The following RNF150 variants were observed in gnomAD, a reference collection of about 807,000 sequenced individuals.
RNF150 encodes the protein ring finger protein 150.
Under a neutral mutation model 39.3 loss-of-function variants are expected in RNF150, and 24 were observed. That is an observed-to-expected ratio of 0.61 (90% CI 0.44 to 0.86). The LOEUF is 0.86. Ranked by LOEUF, RNF150 falls within the 40% of genes least tolerant of loss-of-function variation. RNF150 has a pLI of 0.00. For missense variants in RNF150, 502 were observed against 587.8 expected, an observed-to-expected ratio of 0.85 and a Z score of 1.51; for synonymous variants, 255 against 227.3, an observed-to-expected ratio of 1.12 and a Z score of -1.10.
At chr4:140,989,332 T>C (rs555053865) in intron 1 of RNF150, among the ~76,000 whole-genome samples, 5 of 152,120 alleles carry the variant, frequency 3.3e-5, no homozygotes, top group African/African-American at 9.6e-5. Flanking sequence ...AAAGTACCGA[T>C]GTTAAGCCGA....
At chr4:141,157,270 G>T (rs1280064189) in intron 1 of RNF150, among the ~76,000 whole-genome samples, 2 of 152,140 alleles carry the variant, frequency 1.3e-5, no homozygotes, top group African/African-American at 4.8e-5. Context: ...TTTAAATAGT[G>T]AGAAAAATAT....
intron 1 of RNF150, among the ~76,000 whole-genome samples, chr4:141,066,308 T>A (rs72949030): frequency 6.8e-4 from 103 of 152,142 alleles, no homozygotes; most frequent in African/African-American, 2.1e-3. Context: ...GAGAAGCATA[T>A]ATCTCCATCA....
intron 1 of RNF150, among the ~76,000 whole-genome samples, chr4:141,013,872 A>G (rs1735164732): frequency 6.6e-6 from 1 of 152,172 alleles, no homozygotes; most frequent in African/African-American, 2.4e-5. Flanking sequence ...TTTAAAATAT[A>G]TAAGACATTA....
intron 6 of RNF150, among the ~76,000 whole-genome samples, chr4:140,884,900 G>C (rs1291259445): frequency 6.6e-6 from 1 of 152,172 alleles, no homozygotes; most frequent in Non-Finnish European, 1.5e-5. Flanking sequence ...GAGGGGCTCT[G>C]GTGAATGAGT....
intron 1 of RNF150, among the ~76,000 whole-genome samples, chr4:141,177,004 C>T (rs936219100): frequency 1.4e-5 from 2 of 146,906 alleles, no homozygotes; most frequent in Non-Finnish European, 3.0e-5. Flanking sequence ...TTGCTTGAGG[C>T]CAAGAGTTTG....
chr4:141,043,637 C>T (rs908772789), intron 1 of RNF150, among the ~76,000 whole-genome samples: 1 of 152,046 alleles, frequency 6.6e-6, no homozygotes, highest in African/African-American at 2.4e-5. Flanking sequence ...GTTAACCAGG[C>T]TAGCCATATA....
intron 1 of RNF150, among the ~76,000 whole-genome samples, chr4:141,190,076 G>A (rs1451510081): frequency 2.0e-5 from 3 of 152,130 alleles, no homozygotes; most frequent in Admixed American, 6.5e-5. Flanking sequence ...CCTTGGCTAA[G>A]GGAGGTAGTT....
chr4:141,088,750 G>A (rs982937802), intron 1 of RNF150, among the ~76,000 whole-genome samples: 2 of 151,726 alleles, frequency 1.3e-5, no homozygotes, highest in African/African-American at 2.4e-5. Context: ...AAGGTAGAAC[G>A]GGGAGAAATG....
intron 4 of RNF150, among the ~76,000 whole-genome samples, chr4:140,939,115 C>T (rs765600008): frequency 3.3e-5 from 5 of 152,188 alleles, no homozygotes; most frequent in Admixed American, 6.5e-5. Flanking sequence ...CTCAGATACT[C>T]AAATGTCATT....
chr4:140,916,207 C>G (rs575114266), intron 5 of RNF150, among the ~76,000 whole-genome samples: 1 of 152,138 alleles, frequency 6.6e-6, no homozygotes, highest in South Asian at 2.1e-4. Flanking sequence ...ATGACTTTGA[C>G]GAGTTGAGAG....
chr4:140,951,796 A>G (rs563072814), intron 2 of RNF150, among the ~76,000 whole-genome samples: 21 of 152,104 alleles, frequency 1.4e-4, no homozygotes, highest in South Asian at 4.1e-4. Flanking sequence ...AGAATATTGT[A>G]TTTAGAATAA....
At chr4:141,109,958 C>G (rs756090975) in intron 1 of RNF150, among the ~76,000 whole-genome samples, 8 of 152,134 alleles carry the variant, frequency 5.3e-5, no homozygotes, top group Admixed American at 1.3e-4. Flanking sequence ...TCTTACTGAT[C>G]TGGGGAGAAA....
intron 1 of RNF150, among the ~76,000 whole-genome samples, chr4:140,992,528 C>T (rs1018412390): frequency 7.2e-5 from 11 of 152,152 alleles, no homozygotes; most frequent in Admixed American, 6.5e-4. Flanking sequence ...CTGGGCCTTG[C>T]TCCCACTGCT....
chr4:141,093,081 T>C (rs1738649306), intron 1 of RNF150, among the ~76,000 whole-genome samples: 1 of 152,000 alleles, frequency 6.6e-6, no homozygotes, highest in Non-Finnish European at 1.5e-5. Flanking sequence ...AAAAGGGAAC[T>C]GGTGGCTGGG....
chr4:141,054,880 G>C (rs1177445372), intron 1 of RNF150, among the ~76,000 whole-genome samples: 1 of 152,112 alleles, frequency 6.6e-6, no homozygotes, highest in Non-Finnish European at 1.5e-5. Context: ...CAATCATACA[G>C]AGTACCAGAG....
At chr4:141,155,378 G>C (rs62324941) in intron 1 of RNF150, among the ~76,000 whole-genome samples, 1 of 151,658 alleles carries the variant, frequency 6.6e-6, no homozygotes, top group Non-Finnish European at 1.5e-5. Context: ...GATTACAGGC[G>C]TGAGCCACTA....
intron 5 of RNF150, among the ~76,000 whole-genome samples, chr4:140,920,258 A>G (rs62345865): frequency 0.076 from 10,915 of 144,272 alleles, 510 homozygotes; most frequent in African/African-American, 0.12. Context: ...GCAACCTACA[A>G]AATGGGAGAA....
intron 1 of RNF150, among the ~76,000 whole-genome samples, chr4:141,043,556 G>GT (rs1290342165): frequency 6.6e-6 from 1 of 152,126 alleles, no homozygotes; most frequent in African/African-American, 2.4e-5. Flanking sequence ...CTAAAAAAAT[G>GT]TAAGTGCTTT....
At chr4:140,906,310 GA>G (rs891277087) in intron 6 of RNF150, among the ~76,000 whole-genome samples, 14 of 145,768 alleles carry the variant, frequency 9.6e-5, no homozygotes, top group African/African-American at 1.8e-4. Context: ...AATACTCAAG[GA>G]AAAAAAAACC....
Sources: allele counts gnomAD v4.1 joint callset (sites outside exome capture counted in the v4.1 genomes callset), GRCh38; gene constraint gnomAD v4.1.1; transcripts MANE v1.5; gene names NCBI Gene and HGNC (gene_info 2026-07-23, HGNC 2026-07-21).